The following WDR81 variants were observed in gnomAD, a reference collection of about 807,000 sequenced individuals.
WDR81 encodes WD repeat-containing protein 81.
A neutral mutation model predicts 140.8 loss-of-function variants in WDR81; 92 were observed. The ratio of observed to expected loss-of-function variants is 0.65; its 90% CI spans 0.55 to 0.78. The LOEUF (loss-of-function observed/expected upper bound fraction) is 0.78, where lower values mean the gene tolerates loss of function less well. Ranked by LOEUF, WDR81 falls within the 30% of genes least tolerant of loss-of-function variation. The pLI is 0.00. For synonymous variants in WDR81, 1,183 were observed against 1,156.4 expected (o/e 1.02, Z -0.47); for missense variants, 2,502 against 2,636.4 (o/e 0.95, Z 1.12).
rs374537042 is a variant in WDR81 at position 1,732,538 on chromosome 17, C to A, written c.4323+48C>A. ...GGCGGGCTGGGGCGGGGGCTGTGGA[C>A]CTGGGTGACCCCCTGGGCATCTTGC... On this transcript the variant is annotated intron_variant, in intron 5 of 9. Coordinates refer to ENST00000409644, the MANE Select transcript of WDR81 (RefSeq NM_001163809.2). 4.9e-5 allele frequency: 79 copies of A among 1,597,018 alleles called. No homozygotes were observed. In the African/African-American group the frequency reaches 9.8e-4, roughly 20 times the overall value.
intron 4 of WDR81, 148 bp downstream of exon 4, chr17:1,731,406 C>G (rs1335373092): frequency 8.1e-6 from 8 of 983,288 alleles, no homozygotes; most frequent in African/African-American, 1.6e-5. Context: ...CCTGAGCAAA[C>G]CACACCCTTT....
Position 1,728,297 on chromosome 17 carries a change from G to C in WDR81, c.3338G>C (p.Ser1113Thr). Residue 1113 changes from serine (S) to threonine (T), a missense_variant, in exon 1 of 10, where the codon AGC becomes ACC. Coordinates refer to ENST00000409644, the MANE Select transcript of WDR81 (RefSeq NM_001163809.2). ...CTGGGCCGGCTGAGTGACAAGAGCA[G>C]CACCAGCGAGACCTCCCTGGGTGAG... ...VSLGRLSDKS[S>T]TSETSLGEER... 1 of 1,612,830 alleles carries C rather than the reference G, an allele frequency of 6.2e-7. No individual in the cohort carries two copies. The highest frequency in any genetic ancestry group is 8.5e-7 in the Non-Finnish European group (1 of 1,180,002).
rs528623585 is a variant in WDR81 at position 1,733,482 on chromosome 17, G to A, written c.4490-45G>A. Reference sequence around the variant, plus strand: ...AGTCCTTGGATGGGTGATAGCAGCCGCCTGCCATCTTCCCTGTCTCAGGAC... The same window carrying A: ...AGTCCTTGGATGGGTGATAGCAGCCACCTGCCATCTTCCCTGTCTCAGGAC... On this transcript the variant is annotated intron_variant, in intron 6 of 9. Transcript: ENST00000409644. 1.9e-5 allele frequency: 28 copies of A among 1,493,458 alleles called. No individual in the cohort carries two copies. The East Asian group carries it at 4.5e-4, about 24-fold the overall frequency. The allele number at this position is 1,493,458 out of a possible 1,614,324, so 92.5% of individuals were successfully genotyped here.
Position 1,724,766 on chromosome 17 carries a change from G to T in WDR81, c.-194G>T. On this transcript the variant is annotated 5_prime_UTR_variant, in exon 1 of 10. Transcript: ENST00000409644. ...GGCAGCCTCTGCCCCGCCGCGCCCG[G>T]AGCGCAGGACCCGCGGAGGGGTAAG... 8.7e-7 allele frequency: 1 copy of T among 1,149,982 alleles called. No homozygotes were observed. The highest frequency in any genetic ancestry group is 4.3e-5 in the South Asian group (1 of 23,118). The allele number at this position is 1,149,982 out of a possible 1,614,324, so 71.2% of individuals were successfully genotyped here.
chr17:1,727,629 G>A lies in WDR81; in HGVS notation c.2670G>A (p.Arg890=). The change falls in exon 1 of 10, where the codon AGG becomes AGA. Residue 890 remains arginine, a synonymous_variant. Coordinates refer to ENST00000409644, the MANE Select transcript of WDR81 (RefSeq NM_001163809.2). ...LHRFILLYQA[R]RVEDEAQGRE... ...GATTCATCCTCCTGTACCAGGCAAG[G>A]CGTGTGGAGGACGAGGCCCAGGGGC... 1 of 1,550,562 alleles carries A rather than the reference G, an allele frequency of 6.4e-7. No homozygotes were observed. The highest frequency in any genetic ancestry group is 8.7e-7 in the Non-Finnish European group (1 of 1,147,036).
chr17:1,737,616 G>A lies in WDR81; in HGVS notation c.5757G>A (p.Leu1919=). 1.2e-6 allele frequency: 2 copies of A among 1,612,706 alleles called. No homozygotes were observed. Among genetic ancestry groups the A allele is most frequent in the South Asian group, 2.2e-5 (2 of 91,086 alleles). Residue 1919 remains leucine, a synonymous_variant, in exon 10 of 10, where the codon CTG becomes CTA. Coordinates refer to ENST00000409644, the MANE Select transcript of WDR81 (RefSeq NM_001163809.2). Reference sequence around the variant, plus strand: ...ACTTCCGCGGCACGCTCACCAGCCTGGCCTTGCTGCCCACTAAACGCCACC... The same window carrying A: ...ACTTCCGCGGCACGCTCACCAGCCTAGCCTTGCTGCCCACTAAACGCCACC... ...SENFRGTLTS[L]ALLPTKRHLL... is the part of the protein sequence containing the mutation.
In WDR81 at chr17:1,738,194, G is replaced by A. The variant is rs768738601; in HGVS notation, c.*509G>A. ...GTCCAGGAGTTAAGGGCTTGGGTCT[G>A]GGGTTTAAGTGGCCACCCATCCAGG... On this transcript the variant is annotated 3_prime_UTR_variant, in exon 10 of 10. Coordinates refer to ENST00000409644, the MANE Select transcript of WDR81 (RefSeq NM_001163809.2). 1 of 166,782 alleles carries A rather than the reference G, an allele frequency of 6.0e-6. No individual in the cohort carries two copies. The highest frequency in any genetic ancestry group is 1.3e-5 in the Non-Finnish European group (1 of 76,174). The allele number at this position is 166,782 out of a possible 1,614,324, so 10.3% of individuals were successfully genotyped here.
chr17:1,723,457 T>TTATTTA (rs60606428), upstream of WDR81, among the ~76,000 whole-genome samples: 24 of 130,546 alleles, frequency 1.8e-4, no homozygotes, highest in African/African-American at 3.3e-4. Flanking sequence ...ATTTATTTAT[T>TTATTTA]TTTATTTATT....
In WDR81 at chr17:1,730,952, C is replaced by A. The variant is rs373882903; in HGVS notation, c.3966+7C>A. 1.2e-6 allele frequency: 2 copies of A among 1,612,160 alleles called. No homozygotes were observed. The highest frequency in any genetic ancestry group is 1.7e-5 in the Admixed American group (1 of 59,992). On this transcript the variant is annotated splice_region_variant and intron_variant, in intron 3 of 9. Coordinates refer to ENST00000409644, the MANE Select transcript of WDR81 (RefSeq NM_001163809.2). ...GCCCTACATCAGCTACCTGGTCAGT[C>A]GCTGGTTTGGCAGGCCCGGGGCTGG...
At chr17:1,721,294 G>C (rs1286640492), upstream of WDR81, among the ~76,000 whole-genome samples, 3 of 152,116 alleles carry the variant, frequency 2.0e-5, no homozygotes, top group African/African-American at 4.8e-5. Context: ...GGGAGGCGGA[G>C]GTTGTGGTGA....
intron 1 of WDR81, among the ~76,000 whole-genome samples, chr17:1,718,431 A>G (rs560520312): frequency 8.1e-4 from 123 of 152,140 alleles, no homozygotes; most frequent in African/African-American, 2.8e-3. Flanking sequence ...CATTCACTCC[A>G]CTTCTAACTG....
chr17:1,730,724 C>T (rs747943482), intron 2 of WDR81, 31 bp from the exon 3 acceptor site: 20 of 1,580,724 alleles, frequency 1.3e-5, no homozygotes, highest in South Asian at 3.5e-5. Context: ...CCTCCACTGG[C>T]GACTCAGGGC....
rs138865714 is a variant in WDR81 at position 1,732,439 on chromosome 17, C to T, written c.4272C>T (p.Pro1424=). Residue 1424 remains proline (P), a synonymous_variant, in exon 5 of 10, where the codon CCC becomes CCT. Coordinates refer to ENST00000409644, the MANE Select transcript of WDR81 (RefSeq NM_001163809.2). ...TGGTCCAGCAGCACCTGAGCGAGCC[C>T]GTGGCCACCTTTTTCCAGGTCTTCT... The part of the protein sequence containing the change: ...QEMVQQHLSE[P]VATFFQVFSQ... 6.3e-5 allele frequency: 101 copies of T among 1,600,800 alleles called. No individual in the cohort carries two copies. The highest frequency in any genetic ancestry group is 3.7e-4 in the South Asian group (34 of 90,834).
chr17:1,730,600 G>A, intron 2 of WDR81, 113 bp downstream of exon 2: 1 of 1,406,176 alleles, frequency 7.1e-7, no homozygotes, highest in Non-Finnish European at 9.6e-7. Context: ...CCACCCCCCG[G>A]CCAGGTGCTG....
At chr17:1,730,710 C>T (rs754718549) in intron 2 of WDR81, 45 bp from the exon 3 acceptor site, 21 of 1,561,060 alleles carry the variant, frequency 1.3e-5, no homozygotes, top group Admixed American at 9.0e-5. Flanking sequence ...AGGCTACCCC[C>T]GGCCCTCCAC....
At position 1,732,472 on chromosome 17, in the gene WDR81, G is replaced by A. The variant is rs569812203; in HGVS notation, c.4305G>A (p.Leu1435=). 2 of 1,613,200 alleles carry A rather than the reference G, an allele frequency of 1.2e-6. No individual in the cohort carries two copies. Among genetic ancestry groups the A allele is most frequent in the South Asian group, 1.1e-5 (1 of 91,080 alleles). The part of the protein sequence containing the change: ...VATFFQVFSQ[L]HELRQQDLKL... The stretch of plus-strand genomic sequence containing the variant: ...CCTTTTTCCAGGTCTTCTCTCAGCT[G>A]CATGAGCTTCGGCAACAGGTGGGCA... The change falls in exon 5 of 10, where the codon CTG becomes CTA. Residue 1435 remains leucine, a synonymous_variant. Transcript: ENST00000409644.
upstream of WDR81, chr17:1,724,701 G>C (rs1376838594): frequency 1.9e-6 from 2 of 1,080,318 alleles, no homozygotes; most frequent in Non-Finnish European, 2.2e-6. Flanking sequence ...CGTGACCCGC[G>C]TCAGCTGACC....
Position 1,726,043 on chromosome 17 carries a change from T to C in WDR81, c.1084T>C (p.Tyr362His). 6.5e-7 allele frequency: 1 copy of C among 1,546,662 alleles called. No individual in the cohort carries two copies. Among genetic ancestry groups the C allele is most frequent in the Non-Finnish European group, 8.7e-7 (1 of 1,144,214 alleles). Residue 362 changes from tyrosine to histidine, a missense_variant, in exon 1 of 10, where the codon TAC (tyrosine) becomes CAC (histidine). By Grantham distance (83) the Tyr-to-His change is moderately conservative. Coordinates refer to ENST00000409644, the MANE Select transcript of WDR81 (RefSeq NM_001163809.2). ...CCACGGCCGCATCAGCAACTTCCAC[T>C]ACCTCATGCAGCTGAATCGGTTGGC... Reference protein sequence around the residue: ...WVHGRISNFHYLMQLNRLAGR... With the variant: ...WVHGRISNFHHLMQLNRLAGR...
Position 1,737,877 on chromosome 17 carries a change from A to C in WDR81, c.*192A>C, listed in dbSNP as rs938972960. ...GGCCCCTGAATCACCAGAGCCACCA[A>C]GCCTGCCAGAGGGGTCTCATTCATG... is the stretch of plus-strand genomic sequence containing the variant. On this transcript the variant is annotated 3_prime_UTR_variant, in exon 10 of 10. Coordinates refer to ENST00000409644, the MANE Select transcript of WDR81 (RefSeq NM_001163809.2). The C allele has an allele frequency of 2.2e-4, 151 of 693,042 alleles. No homozygotes were observed. In the East Asian group the frequency reaches 4.1e-3, roughly 19 times the overall value. The allele number at this position is 693,042 out of a possible 1,614,324, so 42.9% of individuals were successfully genotyped here.
Sources: gnomAD v4.1 joint callset for allele counts (sites outside exome capture counted in the v4.1 genomes callset) on GRCh38, gnomAD v4.1.1 for gene constraint, MANE v1.5 for transcripts, NCBI Gene and HGNC (gene_info 2026-07-23, HGNC 2026-07-21) for gene names.